Variants in SLC22A24 observed in about 807,000 individuals in gnomAD.
SLC22A24 encodes solute carrier family 22 member 24, also known as steroid transmembrane transporter SLC22A24.
In SLC22A24, 53 loss-of-function variants were observed where a neutral mutation model predicts 49.8. The observed-to-expected ratio is 1.06, with a 90% CI of 0.85 to 1.34. The LOEUF is 1.34. Among genes scored for constraint, SLC22A24 ranks in the 40% most tolerant of loss-of-function variants. The pLI, the probability that SLC22A24 is intolerant of heterozygous loss-of-function variation, is 0.00. For synonymous variants in SLC22A24, 302 were observed against 256.4 expected, an observed-to-expected ratio of 1.18 and a Z score of -1.70; for missense variants, 786 against 675.9, an observed-to-expected ratio of 1.16 and a Z score of -1.81.
intron 7 of SLC22A24, among the ~76,000 whole-genome samples, chr11:63,082,150 G>A (rs1291971153): frequency 6.6e-6 from 1 of 152,098 alleles, no homozygotes; most frequent in African/African-American, 2.4e-5. Flanking sequence ...TAAGAATGTG[G>A]GAACAATTTT....
intron 4 of SLC22A24, among the ~76,000 whole-genome samples, chr11:63,114,985 T>C (rs929384572): frequency 3.3e-5 from 5 of 152,196 alleles, no homozygotes; most frequent in Non-Finnish European, 7.4e-5. Flanking sequence ...CAGCCCCTAC[T>C]GGGAGGTGTC....
intron 6 of SLC22A24, among the ~76,000 whole-genome samples, chr11:63,094,147 C>A (rs1489747408): frequency 8.1e-6 from 1 of 123,576 alleles, no homozygotes; most frequent in South Asian, 3.4e-4. Context: ...CCCCCTCCCC[C>A]GACCCCACAA....
At chr11:63,137,893 C>T (rs1205285375) in intron 1 of SLC22A24, 2 of 152,184 alleles carry the variant, frequency 1.3e-5, no homozygotes, top group Admixed American at 6.5e-5. Context: ...GAAATTCTTA[C>T]TGGCCAAGTT....
intron 2 of SLC22A24, among the ~76,000 whole-genome samples, chr11:63,120,321 G>C (rs573964372): frequency 9.7e-6 from 1 of 102,732 alleles, no homozygotes; most frequent in Admixed American, 1.2e-4. Context: ...GGGGAGGGGG[G>C]AGGGATAGCA....
In SLC22A24 at chr11:63,098,270, C is replaced by A. The variant is rs188382227; in HGVS notation, c.955-2164G>T. On this transcript the variant is annotated intron_variant, in intron 5 of 9. Coordinates refer to ENST00000612278, the MANE Select transcript of SLC22A24 (RefSeq NM_001136506.2). The stretch of plus-strand genomic sequence containing the variant: ...AGACAGAAATTAAAACTATCTTGAA[C>A]CAAATGAAAGTGGACACACAACATA... Among the ~76,000 whole-genome samples the A allele has an allele frequency of 5.9e-5, 9 of 152,116 alleles. No individual in the cohort carries two copies. The East Asian group carries it at 1.7e-3, about 29-fold the overall frequency.
intron 1 of SLC22A24, among the ~76,000 whole-genome samples, chr11:63,141,525 T>C (rs1051428646): frequency 1.3e-5 from 2 of 152,224 alleles, no homozygotes; most frequent in Admixed American, 1.3e-4. Context: ...TAAAACCCAC[T>C]GGGGAATCTG....
At chr11:63,104,416 A>G in intron 4 of SLC22A24, 118 bp from the exon 5 acceptor site, 2 of 1,174,456 alleles carry the variant, frequency 1.7e-6, no homozygotes, top group Non-Finnish European at 2.3e-6. Flanking sequence ...TAGTAGAGTC[A>G]TTTCTGACCA....
chr11:63,109,453 A>C (rs890731757), intron 4 of SLC22A24, among the ~76,000 whole-genome samples: 8 of 145,024 alleles, frequency 5.5e-5, no homozygotes, highest in African/African-American at 1.7e-4. Flanking sequence ...ACTAGTTTAC[A>C]GTCCCACCAA....
chr11:63,126,946 C>G (rs1369060285), intron 2 of SLC22A24, among the ~76,000 whole-genome samples: 1 of 152,012 alleles, frequency 6.6e-6, no homozygotes, highest in East Asian at 1.9e-4. Context: ...ATTTGGCTCT[C>G]AGTTTGTCTG....
Position 63,104,184 on chromosome 11 carries a change from C to T in SLC22A24, c.945G>A (p.Leu315=). The T allele has an allele frequency of 6.5e-7, 1 of 1,549,706 alleles. No homozygotes were observed. Among genetic ancestry groups the T allele is most frequent in the Non-Finnish European group, 8.7e-7 (1 of 1,146,790 alleles). Residue 315 remains leucine (L), a synonymous_variant, in exon 5 of 10, where the codon CTG becomes CTA. Transcript: ENST00000612278. ...CCCCTTTCCAGATCACCTCAGTGGT[C>T]AGTGTCTCTTCAGTATTCTTTTTTC... ...INGKKNTEET[L]TTELVRSTMK...
At chr11:63,083,160 T>C in intron 7 of SLC22A24, 83 bp downstream of exon 7, 1 of 1,134,980 alleles carries the variant, frequency 8.8e-7, no homozygotes, top group Non-Finnish European at 1.3e-6. Flanking sequence ...TGCTGTTCTT[T>C]TGGCACCAGG....
At chr11:63,094,445 G>T (rs569004827) in intron 6 of SLC22A24, among the ~76,000 whole-genome samples, 256 of 152,154 alleles carry the variant, frequency 1.7e-3, no homozygotes, top group Non-Finnish European at 3.1e-3. Context: ...AAACATACAT[G>T]TGCATGTGTC....
chr11:63,135,023 A>G (rs557346416), intron 1 of SLC22A24, among the ~76,000 whole-genome samples: 1 of 152,268 alleles, frequency 6.6e-6, no homozygotes, highest in South Asian at 2.1e-4. Flanking sequence ...ACATGTCTAC[A>G]AGTCTTTATT....
chr11:63,110,241 G>A lies in SLC22A24; in HGVS notation c.831-5943C>T, dbSNP rs542852603. 7.8e-4 allele frequency among the ~76,000 whole-genome samples: 118 copies of A among 152,086 alleles called. 1 individual carries two copies. In the Middle Eastern group the frequency reaches 0.01, roughly 13 times the overall value. On this transcript the variant is annotated intron_variant, in intron 4 of 9. Transcript: ENST00000612278. Reference sequence around the variant, plus strand: ...TTGGTACCAGTACCATGCTGTTTTGGTTACTGTAGTCTTGTAGTATAGTTT... The same window carrying A: ...TTGGTACCAGTACCATGCTGTTTTGATTACTGTAGTCTTGTAGTATAGTTT...
At chr11:63,097,991 A>G (rs997791512) in intron 5 of SLC22A24, among the ~76,000 whole-genome samples, 5 of 152,100 alleles carry the variant, frequency 3.3e-5, no homozygotes, top group African/African-American at 1.2e-4. Context: ...AACCTAGATG[A>G]TGGGTTGATG....
chr11:63,100,621 A>G (rs2087084690), intron 5 of SLC22A24, among the ~76,000 whole-genome samples: 1 of 152,156 alleles, frequency 6.6e-6, no homozygotes, highest in South Asian at 2.1e-4. Context: ...AGTAAAAAGA[A>G]TAAAACTGGA....
At chr11:63,133,935 G>A (rs939117583) in intron 2 of SLC22A24, among the ~76,000 whole-genome samples, 12 of 152,110 alleles carry the variant, frequency 7.9e-5, no homozygotes, top group African/African-American at 2.4e-4. Context: ...GTGAGCCACC[G>A]TGCCCACTCC....
rs1283079253 is a variant in SLC22A24, at chr11:63,110,374, A to G, written c.831-6076T>C. Among the ~76,000 whole-genome samples, 6 of 152,066 alleles carry G rather than the reference A, an allele frequency of 3.9e-5. 1 individual carries two copies. Among genetic ancestry groups the G allele is most frequent in the African/African-American group, 1.2e-4 (5 of 41,402 alleles). ...ATGAAGTTTAAAGTAGTTTTTTCCA[A>G]TTGTGTGAAGAAAGTCATTGGTAGC... On this transcript the variant is annotated intron_variant, in intron 4 of 9. Coordinates refer to ENST00000612278, the MANE Select transcript of SLC22A24 (RefSeq NM_001136506.2).
At position 63,122,457 on chromosome 11, in the gene SLC22A24, C is replaced by G. The variant is rs190026636; in HGVS notation, c.507-3122G>C. Among the ~76,000 whole-genome samples, 4 of 152,262 alleles carry G rather than the reference C, an allele frequency of 2.6e-5. No homozygotes were observed. In the East Asian group the frequency reaches 5.8e-4, roughly 22 times the overall value. ...AACTCTCATGACTAATGTGTTAGGG[C>G]TAAGATGAAGCTGGTGTTTGATGAA... On this transcript the variant is annotated intron_variant, in intron 2 of 9. Coordinates refer to ENST00000612278, the MANE Select transcript of SLC22A24 (RefSeq NM_001136506.2).
Sources: gnomAD v4.1 joint callset for allele counts (sites outside exome capture counted in the v4.1 genomes callset) on GRCh38, gnomAD v4.1.1 for gene constraint, MANE v1.5 for transcripts, NCBI Gene and HGNC (gene_info 2026-07-23, HGNC 2026-07-21) for gene names.